DIMT1: variants seen among roughly 807,000 people sequenced by gnomAD.
DIMT1 encodes dimethyladenosine transferase.
A neutral mutation model predicts 43.2 loss-of-function variants in DIMT1; 36 were observed. That is an observed-to-expected ratio of 0.83 (90% CI 0.64 to 1.10). The LOEUF (loss-of-function observed/expected upper bound fraction) is 1.10, where lower values mean the gene tolerates loss of function less well. Among genes scored for constraint, DIMT1 ranks in the 50% least tolerant of loss-of-function variants. DIMT1 has a pLI of 0.00. For missense variants in DIMT1, 341 were observed against 385.3 expected, an observed-to-expected ratio of 0.88 and a Z score of 0.96; for synonymous variants, 126 against 130.3, an observed-to-expected ratio of 0.97 and a Z score of 0.22.
chr5:62,402,291 T>C (rs1447738386), intron 2 of DIMT1, among the ~76,000 whole-genome samples, 169 bp from the exon 3 acceptor site: 1 of 152,220 alleles, frequency 6.6e-6, no homozygotes, highest in African/African-American at 2.4e-5. Context: ...TCAATAACAT[T>C]TGGTGCAAAT....
chr5:62,389,098 T>G (rs1742172147), intron 11 of DIMT1, 46 bp from the exon 12 acceptor site: 1 of 1,537,510 alleles, frequency 6.5e-7, no homozygotes, highest in African/African-American at 1.4e-5. Flanking sequence ...AGCTAATTTG[T>G]AGCACATAAC....
rs568176081 is a variant in DIMT1 at position 62,394,713 on chromosome 5, C to G, written c.447-106G>C. On this transcript the variant is annotated intron_variant, in intron 6 of 11. Coordinates refer to ENST00000199320, the MANE Select transcript of DIMT1 (RefSeq NM_014473.4). ...GAGAGAAATAGCAAAGCATTGGCAG[C>G]TGATTATAAGGTAGGAGAACACATT... 4 of 1,499,848 alleles carry G rather than the reference C, an allele frequency of 2.7e-6. No individual in the cohort carries two copies. In the African/African-American group the frequency reaches 4.3e-5, roughly 16 times the overall value. 92.9% of individuals were successfully genotyped at this position (1,499,848 alleles called of 1,614,324 possible).
At chr5:62,400,953 G>A (rs1417254818) in intron 3 of DIMT1, among the ~76,000 whole-genome samples, 1 of 151,500 alleles carries the variant, frequency 6.6e-6, no homozygotes, top group African/African-American at 2.4e-5. Context: ...GTTTCACCAT[G>A]TTGCCCAGGC....
chr5:62,387,593 A>T lies in DIMT1; in HGVS notation c.*1417T>A, dbSNP rs1742095444. On this transcript the variant is annotated 3_prime_UTR_variant, in exon 12 of 12. Transcript: ENST00000199320. ...AGTCCTTCAGCTTTACAGATAGTGA[A>T]AACTGAAGGCCAGAAAAGGAACTAA... 6.6e-6 allele frequency: 1 copy of T among 152,192 alleles called. No individual in the cohort carries two copies. The allele number at this position is 152,192 out of a possible 1,614,324, so 9.4% of individuals were successfully genotyped here.
At position 62,403,774 on chromosome 5, in the gene DIMT1, T is replaced by G; in HGVS notation, c.-2A>C. The G allele has an allele frequency of 6.2e-7, 1 of 1,610,212 alleles. No individual in the cohort carries two copies. ...GGCCCCCGACTTGACCTTCGGCATC[T>G]CGGCAGAAAGCGGGCCCACAGGCCC... On this transcript the variant is annotated 5_prime_UTR_variant, in exon 1 of 12. Transcript: ENST00000199320.
intron 7 of DIMT1, 48 bp downstream of exon 7, chr5:62,394,436 G>A: frequency 6.3e-7 from 1 of 1,586,806 alleles, no homozygotes; most frequent in Non-Finnish European, 8.7e-7. Flanking sequence ...GGGTGACAGA[G>A]TGAGATTCTA....
chr5:62,400,538 G>T (rs897721714), intron 3 of DIMT1, among the ~76,000 whole-genome samples: 1 of 150,284 alleles, frequency 6.7e-6, no homozygotes, highest in African/African-American at 2.4e-5. Context: ...TAGGCGGGAG[G>T]CACCATGCCC....
rs1455536407 is a variant in DIMT1, at chr5:62,403,730, G to A, written c.43C>T (p.Arg15Trp). 6.2e-7 allele frequency: 1 copy of A among 1,609,346 alleles called. No homozygotes were observed. The highest frequency in any genetic ancestry group is 8.5e-7 in the Non-Finnish European group (1 of 1,178,504). The part of the protein sequence containing the change: ...KSGAIGRRRG[R>W]QEQRRELKSA... ...TTCAGCTCCCGGCGCTGCTCCTGCCGCCCGCGGCGGCGGCCGATGGCCCCC... is the reference window on the plus strand; with the variant it reads ...TTCAGCTCCCGGCGCTGCTCCTGCCACCCGCGGCGGCGGCCGATGGCCCCC... The change falls in exon 1 of 12, where the codon CGG becomes TGG. Residue 15 changes from arginine (R) to tryptophan (W), a missense_variant. Arg to Trp is a moderately radical substitution (Grantham distance 101, BLOSUM62 -3). Coordinates refer to ENST00000199320, the MANE Select transcript of DIMT1 (RefSeq NM_014473.4).
intron 1 of DIMT1, 35 bp downstream of exon 1, chr5:62,403,659 C>A: frequency 6.3e-7 from 1 of 1,586,198 alleles, no homozygotes; most frequent in South Asian, 1.1e-5. Context: ...AAGACCTGAC[C>A]CGACCGACCC....
At chr5:62,397,256 CT>C (rs1236975582) in intron 6 of DIMT1, among the ~76,000 whole-genome samples, 2 of 152,094 alleles carry the variant, frequency 1.3e-5, no homozygotes, top group African/African-American at 4.8e-5. Flanking sequence ...GTTTCAGGAT[CT>C]TGATCCCAGT....
rs1483036962 is a variant in DIMT1 at position 62,387,375 on chromosome 5, T to C, written c.*1635A>G. 2 of 152,192 alleles carry C rather than the reference T, an allele frequency of 1.3e-5. No homozygotes were observed. The highest frequency in any genetic ancestry group is 2.9e-5 in the Non-Finnish European group (2 of 68,022). 9.4% of individuals were successfully genotyped at this position (152,192 alleles called of 1,614,324 possible). ...AGATTAACCAACTTTCAAAGGGCAA[T>C]AAAGACATGTGAATTTGCTCATTTT... On this transcript the variant is annotated 3_prime_UTR_variant, in exon 12 of 12. Coordinates refer to ENST00000199320, the MANE Select transcript of DIMT1 (RefSeq NM_014473.4).
intron 3 of DIMT1, among the ~76,000 whole-genome samples, chr5:62,399,900 A>C (rs896776301): frequency 1.3e-5 from 2 of 151,928 alleles, no homozygotes; most frequent in Non-Finnish European, 2.9e-5. Flanking sequence ...GCGAGACTCC[A>C]TCTCAAAAAC....
chr5:62,403,887 C>A lies in DIMT1; in HGVS notation c.-115G>T, dbSNP rs1234580347. On this transcript the variant is annotated 5_prime_UTR_variant, in exon 1 of 12. Coordinates refer to ENST00000199320, the MANE Select transcript of DIMT1 (RefSeq NM_014473.4). ...ACGCGCCGCCCGCACCACTCTGGCC[C>A]AAGCGCCGGAGGGGCAAGGGTCCGC... The A allele has an allele frequency of 2.6e-6, 3 of 1,154,348 alleles. No individual in the cohort carries two copies. Among genetic ancestry groups the A allele is most frequent in the African/African-American group, 1.6e-5 (1 of 64,120 alleles). 71.5% of individuals were successfully genotyped at this position (1,154,348 alleles called of 1,614,324 possible).
rs56275033 is a variant in DIMT1 at position 62,398,545 on chromosome 5, C to A, written c.412G>T (p.Val138Phe). ...GGTCGATGTAGCAACAGCTTGAAGA[C>A]AAAAGGTGAAGAGATCTGTAAGAGA... Reference protein sequence around the residue: ...NLPYQISSPFVFKLLLHRPFF... With the variant: ...NLPYQISSPFFFKLLLHRPFF... The change falls in exon 6 of 12, where the codon GTC becomes TTC. Residue 138 changes from valine to phenylalanine, a missense_variant. Val to Phe is a conservative substitution (Grantham distance 50). Transcript: ENST00000199320. 6.2e-7 allele frequency: 1 copy of A among 1,612,740 alleles called. No homozygotes were observed. The highest frequency in any genetic ancestry group is 8.5e-7 in the Non-Finnish European group (1 of 1,178,852).
At chr5:62,402,000 T>A (rs1256971368) in intron 3 of DIMT1, 36 bp downstream of exon 3, 3 of 1,592,044 alleles carry the variant, frequency 1.9e-6, no homozygotes, top group Non-Finnish European at 2.6e-6. Context: ...GCTAACATAG[T>A]CATTTGTGAT....
At chr5:62,394,389 G>A in intron 7 of DIMT1, 95 bp downstream of exon 7, 1 of 1,322,612 alleles carries the variant, frequency 7.6e-7, no homozygotes, top group South Asian at 1.2e-5. Flanking sequence ...TTGAGTATGG[G>A]AGGCAGAGAT....
rs1239048729 is a variant in DIMT1 at position 62,388,261 on chromosome 5, T to G, written c.*749A>C. 1.3e-5 allele frequency: 2 copies of G among 152,198 alleles called. No individual in the cohort carries two copies. Among genetic ancestry groups the G allele is most frequent in the African/African-American group, 4.8e-5 (2 of 41,460 alleles). 9.4% of individuals were successfully genotyped at this position (152,198 alleles called of 1,614,324 possible). On this transcript the variant is annotated 3_prime_UTR_variant, in exon 12 of 12. Transcript: ENST00000199320. Reference sequence around the variant, plus strand: ...GTTTCAATTACAAAACCCTCTGAAATTTTGCTAAGCCTATAGTTATCTCCC... The same window carrying G: ...GTTTCAATTACAAAACCCTCTGAAAGTTTGCTAAGCCTATAGTTATCTCCC...
At chr5:62,392,834 C>A in intron 9 of DIMT1, 92 bp downstream of exon 9, 1 of 793,818 alleles carries the variant, frequency 1.3e-6, no homozygotes, top group South Asian at 1.7e-5. Context: ...AATCTTTATG[C>A]TTTAGGGTAG....
intron 6 of DIMT1, 136 bp from the exon 7 acceptor site, chr5:62,394,743 C>CT: frequency 5.1e-4 from 622 of 1,227,498 alleles, no homozygotes; most frequent in Non-Finnish European, 5.8e-4. Flanking sequence ...CACATTCAGC[C>CT]TTTTTTTTAT....
Sources: gnomAD v4.1 joint callset for allele counts (sites outside exome capture counted in the v4.1 genomes callset) on GRCh38, gnomAD v4.1.1 for gene constraint, MANE v1.5 for transcripts, NCBI Gene and HGNC (gene_info 2026-07-23, HGNC 2026-07-21) for gene names.